SHC2: variants seen among roughly 807,000 people sequenced by gnomAD.
SHC2 encodes SHC-transforming protein 2.
SHC2 carries 62 observed loss-of-function variants against 60.6 expected under a neutral mutation model. The ratio of observed to expected loss-of-function variants is 1.02; its 90% CI spans 0.83 to 1.26. The LOEUF is 1.26. Among genes scored for constraint, SHC2 ranks in the 50% most tolerant of loss-of-function variants. SHC2 has a pLI of 0.00. For missense variants in SHC2, 873 were observed against 822.2 expected (o/e 1.06, Z -0.76); for synonymous variants, 375 against 372.4 (o/e 1.01, Z -0.08).
chr19:427,512 T>G (rs572188209), intron 9 of SHC2, among the ~76,000 whole-genome samples: 1 of 113,046 alleles, frequency 8.8e-6, no homozygotes, highest in African/African-American at 3.5e-5. Flanking sequence ...GGAAGGGGAA[T>G]TGCGCACGGC....
intron 12 of SHC2, among the ~76,000 whole-genome samples, chr19:418,353 C>T (rs939151929): frequency 1.3e-5 from 2 of 152,270 alleles, no homozygotes; most frequent in African/African-American, 4.8e-5. Context: ...ACGGTCATGG[C>T]TGCACGCTGC....
At chr19:439,214 A>G (rs115298390) in intron 2 of SHC2, 184 bp from the exon 3 acceptor site, 6,433 of 50,716 alleles carry the variant, frequency 0.13, 506 homozygotes, top group African/African-American at 0.34. Context: ...TAAAGTGGGC[A>G]GGGAGGGGGC....
At chr19:437,760 G>A (rs1265183102) in intron 4 of SHC2, among the ~76,000 whole-genome samples, 1 of 151,990 alleles carries the variant, frequency 6.6e-6, no homozygotes, top group Non-Finnish European at 1.5e-5. Context: ...GCTCAGAGAT[G>A]CTGTCTCACC....
At chr19:427,802 A>C (rs559378479) in intron 9 of SHC2, among the ~76,000 whole-genome samples, 1 of 92,378 alleles carries the variant, frequency 1.1e-5, no homozygotes, top group African/African-American at 4.5e-5. Flanking sequence ...GACGGCGCAC[A>C]GCACACGGAA....
chr19:444,532 T>G (rs1975003978), intron 1 of SHC2, among the ~76,000 whole-genome samples: 2 of 150,452 alleles, frequency 1.3e-5, no homozygotes, highest in East Asian at 2.0e-4. Flanking sequence ...ACGGGGGAGG[T>G]GGGGGGCAAA....
rs1168859397 is a variant in SHC2 at position 424,187 on chromosome 19, A to G, written c.1309+910T>C. On this transcript the variant is annotated intron_variant, in intron 10 of 12. Transcript: ENST00000264554. This position sits in a 1 kb window ranked among gnomAD's most constrained non-coding sequence, Gnocchi z 4.5. ...AGAGTCGAGGCTGCAGGAAATCAGG[A>G]GAGAACTCTGGACACCTCAGCCAAG... Among the ~76,000 whole-genome samples, 1 of 152,162 alleles carries G rather than the reference A, an allele frequency of 6.6e-6. No individual in the cohort carries two copies. Among genetic ancestry groups the G allele is most frequent in the East Asian group, 1.9e-4 (1 of 5,186 alleles).
intron 1 of SHC2, among the ~76,000 whole-genome samples, chr19:444,349 A>G (rs916174338): frequency 1.1e-4 from 16 of 152,142 alleles, no homozygotes; most frequent in Non-Finnish European, 2.4e-4. Flanking sequence ...CAGGCAGAGC[A>G]TGTGCCTCTG....
At position 440,874 on chromosome 19, in the gene SHC2, G is replaced by T. The variant is rs199803042; in HGVS notation, c.527C>A (p.Thr176Lys). Residue 176 changes from threonine to lysine, a missense_variant, in exon 2 of 13, where the codon ACG becomes AAG. By Grantham distance (78) the Thr-to-Lys change is moderately conservative (BLOSUM62 -1). Transcript: ENST00000264554. This position sits in a 1 kb window ranked among gnomAD's most constrained non-coding sequence, Gnocchi z 7.0. ...GTTGGAGGCTCACCTGGTCACCTGC[G>T]TGCGCGTGTTAAAGTCCAGGGAGCG... ...SMRSLDFNTR[T>K]QVTREAINRL... is the part of the protein sequence containing the mutation. 6.2e-7 allele frequency: 1 copy of T among 1,612,710 alleles called. No homozygotes were observed. Among genetic ancestry groups the T allele is most frequent in the Non-Finnish European group, 8.5e-7 (1 of 1,179,726 alleles).
rs560673298 is a variant in SHC2, at chr19:434,733, G to A, written c.1086C>T (p.Pro362=). 8.7e-6 allele frequency: 14 copies of A among 1,612,090 alleles called. No homozygotes were observed. The African/African-American group carries it at 1.7e-4, about 20-fold the overall frequency. Reference sequence around the variant, plus strand: ...CCTGGTCGAGGGCCGTGAGGGCGCAGGGCTGTGTCAGGGCCAGCCTGGAGT... The same window carrying A: ...CCTGGTCGAGGGCCGTGAGGGCGCAAGGCTGTGTCAGGGCCAGCCTGGAGT... The part of the protein sequence containing the change: ...LVDSRLALTQ[P]CALTALDQGP... Residue 362 remains proline, a synonymous_variant, in exon 8 of 13, where the codon CCC becomes CCT. Transcript: ENST00000264554.
Position 438,723 on chromosome 19 carries a change from G to A in SHC2, c.715C>T (p.Arg239Cys), listed in dbSNP as rs1489431473. 20 of 1,557,978 alleles carry A rather than the reference G, an allele frequency of 1.3e-5. No individual in the cohort carries two copies. The highest frequency in any genetic ancestry group is 1.7e-4 in the Middle Eastern group (1 of 5,730). The change falls in exon 4 of 13, where the codon CGC becomes TGC. Residue 239 changes from arginine to cysteine, a missense_variant. By Grantham distance (180) the Arg-to-Cys change is radical (BLOSUM62 -3). Coordinates refer to ENST00000264554, the MANE Select transcript of SHC2 (RefSeq NM_012435.3). The surrounding 1 kb of genome is among the most constrained non-coding windows in gnomAD (Gnocchi z 5.0). The part of the protein sequence containing the change: ...DGLSLSVPAT[R>C]QVIANHHMPS... Reference sequence around the variant, plus strand: ...GGCGAAGAGGGCAGACCCACCTGGCGCGTGGCAGGCACGGAGAGGCTGAGG... The same window carrying A: ...GGCGAAGAGGGCAGACCCACCTGGCACGTGGCAGGCACGGAGAGGCTGAGG...
At chr19:456,688 C>T (rs1975349929) in intron 1 of SHC2, among the ~76,000 whole-genome samples, 1 of 152,198 alleles carries the variant, frequency 6.6e-6, no homozygotes, top group Non-Finnish European at 1.5e-5. Context: ...CTGCGTGGGG[C>T]CTTTGCACCT....
chr19:421,261 G>C (rs775476375), intron 11 of SHC2, among the ~76,000 whole-genome samples: 1 of 151,942 alleles, frequency 6.6e-6, no homozygotes, highest in Non-Finnish European at 1.5e-5. Flanking sequence ...TTAGCCGGGC[G>C]TGGTGGTGGG....
At position 419,160 on chromosome 19, in the gene SHC2, G is replaced by T; in HGVS notation, c.1621-104C>A. On this transcript the variant is annotated intron_variant, in intron 11 of 12. Coordinates refer to ENST00000264554, the MANE Select transcript of SHC2 (RefSeq NM_012435.3). Reference sequence around the variant, plus strand: ...CTGCCGGGGAGCCCCTAGGGTGCCTGCATGGACGAGGGGCCGGACCAGGGA... The same window carrying T: ...CTGCCGGGGAGCCCCTAGGGTGCCTTCATGGACGAGGGGCCGGACCAGGGA... 3.0e-6 allele frequency: 4 copies of T among 1,317,918 alleles called. No homozygotes were observed. The Admixed American group carries it at 7.7e-5, about 25-fold the overall frequency. 81.6% of individuals were successfully genotyped at this position (1,317,918 alleles called of 1,614,324 possible). A position where few individuals can be genotyped will look rare whatever the true frequency, so the allele number is the denominator to read the frequency against.
intron 1 of SHC2, among the ~76,000 whole-genome samples, chr19:442,487 GTGGATGGATGGA>G (rs1179950736): frequency 9.8e-6 from 1 of 102,532 alleles, no homozygotes; most frequent in Admixed American, 1.0e-4. Flanking sequence ...GGGTGGATGG[GTGGATGGATGGA>G]TGGACGGATG....
chr19:418,139 A>G (rs930193121), intron 12 of SHC2, among the ~76,000 whole-genome samples: 3 of 152,010 alleles, frequency 2.0e-5, no homozygotes, highest in Middle Eastern at 3.2e-3. Context: ...GCCCCGCACC[A>G]AAAGTGGAGG....
chr19:429,114 C>T (rs559643986), intron 9 of SHC2, among the ~76,000 whole-genome samples: 18 of 149,352 alleles, frequency 1.2e-4, no homozygotes, highest in South Asian at 4.3e-4. Flanking sequence ...CCAACGTGCA[C>T]GGAAACCTAA....
chr19:426,861 TCCGGGGAGGGAGGACGACAGTGC>T (rs1974429031), intron 9 of SHC2, among the ~76,000 whole-genome samples: 1 of 143,636 alleles, frequency 7.0e-6, no homozygotes, highest in African/African-American at 2.6e-5. Flanking sequence ...AGGGGCAGAG[TCCGGGGAGGGAGGACGACAGTGC>T]GAGACGCAGG....
Position 460,977 on chromosome 19 carries a change from C to T in SHC2, c.20G>A (p.Gly7Glu). MTQGPG[G>E]RAPPAPPAPP... ...CGCGGGGGGCGCCGGGGGCGCGCGC[C>T]CGCCCGGACCCTGCGTCATGGCCGC... The change falls in exon 1 of 13, where the codon GGG becomes GAG. Residue 7 changes from glycine to glutamate, a missense_variant. Physicochemically the swap from Gly to Glu is moderately conservative, Grantham distance 98. Transcript: ENST00000264554. The T allele has an allele frequency of 1.0e-6, 1 of 979,814 alleles. No homozygotes were observed. The highest frequency in any genetic ancestry group is 4.6e-5 in the South Asian group (1 of 21,962). The allele number at this position is 979,814 out of a possible 1,614,324, so 60.7% of individuals were successfully genotyped here.
chr19:419,667 C>T (rs1353257092), intron 11 of SHC2: 3 of 152,274 alleles, frequency 2.0e-5, no homozygotes, highest in African/African-American at 7.2e-5. Context: ...ACCTCTGCTG[C>T]TTTAAGCCAC....
Sources: allele counts gnomAD v4.1 joint callset (sites outside exome capture counted in the v4.1 genomes callset), GRCh38; gene constraint gnomAD v4.1.1; non-coding constraint Gnocchi (gnomAD v3.1); transcripts MANE v1.5; gene names NCBI Gene and HGNC (gene_info 2026-07-23, HGNC 2026-07-21).